The following KLF8 variants were observed in gnomAD, a reference collection of about 807,000 sequenced individuals.
KLF8 encodes KLF transcription factor 8.
KLF8 carries 10 observed loss-of-function variants against 18.2 expected under a neutral mutation model. The observed-to-expected ratio is 0.55, with a 90% CI of 0.34 to 0.93. The LOEUF (loss-of-function observed/expected upper bound fraction) is 0.93, where lower values mean the gene tolerates loss of function less well. KLF8 is among the 40% of genes least tolerant of loss of function. The pLI is 0.02. For synonymous variants in KLF8, 109 were observed against 97.3 expected, an observed-to-expected ratio of 1.12 and a Z score of -0.71; for missense variants, 264 against 277.9, an observed-to-expected ratio of 0.95 and a Z score of 0.36.
chrX:56,108,707 T>C, the KLF8 span, among the ~76,000 whole-genome samples: 1 of 112,056 alleles, frequency 8.9e-6, no homozygotes, highest in Non-Finnish European at 1.9e-5. Context: ...TCTGTTCTGA[T>C]CTTAATTTTT....
At chrX:56,003,699 G>A in the KLF8 span, among the ~76,000 whole-genome samples, 2 of 111,597 alleles carry the variant, frequency 1.8e-5, no homozygotes, top group South Asian at 7.5e-4. Flanking sequence ...TGCATCTATG[G>A]CTTATTTTCT....
At chrX:56,041,218 G>C in the KLF8 span, among the ~76,000 whole-genome samples, 1 of 109,407 alleles carries the variant, frequency 9.1e-6, no homozygotes, top group Admixed American at 9.8e-5. Flanking sequence ...TCCACTCCCG[G>C]GTTCAAGCGA....
At position 56,289,924 on chromosome X, in the gene KLF8, T is replaced by C. The variant is rs1041557200; in HGVS notation, c.*5430T>C. The stretch of plus-strand genomic sequence containing the variant: ...GGTCTATCCTGCCCCCAAAAAGTTT[T>C]CTCATGAACCAAACCATCAAGAATG... On this transcript the variant is annotated 3_prime_UTR_variant, in exon 6 of 6. Transcript: ENST00000468660. Among the ~76,000 whole-genome samples the C allele has an allele frequency of 2.7e-5, 3 of 111,567 alleles. No homozygotes were observed. The Admixed American group carries it at 2.9e-4, about 11-fold the overall frequency.
chrX:56,004,704 G>A, the KLF8 span, among the ~76,000 whole-genome samples: 1 of 111,497 alleles, frequency 9.0e-6, no homozygotes, highest in Non-Finnish European at 1.9e-5. Context: ...CCAAACAAAA[G>A]CCAGAGAAGA....
At chrX:56,268,297 T>C (rs1450418965) in intron 3 of KLF8, 2 of 111,889 alleles carry the variant, frequency 1.8e-5, no homozygotes, top group Non-Finnish European at 3.8e-5. Context: ...GCATGTGATT[T>C]TATTTCCTTT....
the KLF8 span, among the ~76,000 whole-genome samples, chrX:56,190,177 T>C: frequency 9.0e-6 from 1 of 111,097 alleles, no homozygotes; most frequent in Non-Finnish European, 1.9e-5. Flanking sequence ...AAGCCACCAG[T>C]AGCTATACTT....
At chrX:56,199,956 T>C in the KLF8 span, among the ~76,000 whole-genome samples, 9 of 111,140 alleles carry the variant, frequency 8.1e-5, no homozygotes, top group Non-Finnish European at 1.5e-4. Flanking sequence ...CTGGAAGCCA[T>C]CATTCTCAGG....
intron 5 of KLF8, among the ~76,000 whole-genome samples, chrX:56,282,022 A>G (rs972545114): frequency 4.4e-5 from 5 of 112,727 alleles, no homozygotes; most frequent in African/African-American, 1.6e-4. Context: ...TGAGGTGTAT[A>G]TAGGAATTCT....
At chrX:56,032,801 A>AT in the KLF8 span, among the ~76,000 whole-genome samples, 2 of 111,854 alleles carry the variant, frequency 1.8e-5, no homozygotes, top group South Asian at 7.4e-4. Flanking sequence ...TTGCAGACAG[A>AT]TTTTCCTGTG....
the KLF8 span, among the ~76,000 whole-genome samples, chrX:56,186,704 A>T: frequency 8.9e-6 from 1 of 112,007 alleles, no homozygotes; most frequent in African/African-American, 3.2e-5. Flanking sequence ...ATCAAACTAG[A>T]ACTCAGGATT....
the KLF8 span, among the ~76,000 whole-genome samples, chrX:56,158,739 A>G: frequency 2.7e-5 from 3 of 112,148 alleles, no homozygotes; most frequent in Non-Finnish European, 5.6e-5. Context: ...TTGATTTTGT[A>G]TCCTGAGACT....
At chrX:56,268,732 G>C (rs764058241) in intron 3 of KLF8, 1 of 773,314 alleles carries the variant, frequency 1.3e-6, no homozygotes, top group African/African-American at 2.3e-5. Context: ...AATTTTGAAG[G>C]TTTCACTGGA....
chrX:56,113,645 AAC>A, the KLF8 span, among the ~76,000 whole-genome samples: 3 of 107,747 alleles, frequency 2.8e-5, no homozygotes, highest in Non-Finnish European at 5.8e-5. Context: ...ACACAACACA[AAC>A]ACGCACACAC....
chrX:56,256,955 G>A (rs2066804839), intron 2 of KLF8, among the ~76,000 whole-genome samples: 1 of 111,599 alleles, frequency 9.0e-6, no homozygotes, highest in African/African-American at 3.3e-5. Context: ...TGTCTGCCTC[G>A]GCCTCCCAAA....
At chrX:56,179,892 C>G in the KLF8 span, among the ~76,000 whole-genome samples, 1 of 111,636 alleles carries the variant, frequency 9.0e-6, no homozygotes, top group African/African-American at 3.3e-5. Context: ...TTCAGTTTGC[C>G]AGTATTTTAT....
chrX:55,947,553 G>C, the KLF8 span, among the ~76,000 whole-genome samples: 1 of 108,500 alleles, frequency 9.2e-6, no homozygotes, highest in Non-Finnish European at 1.9e-5. Flanking sequence ...CGAGTTAATG[G>C]GTGCAGCACA....
At chrX:55,946,097 G>A in the KLF8 span, among the ~76,000 whole-genome samples, 1 of 111,566 alleles carries the variant, frequency 9.0e-6, no homozygotes, top group Admixed American at 9.5e-5. Context: ...CCCCCATCAA[G>A]CTACCAATTA....
the KLF8 span, among the ~76,000 whole-genome samples, chrX:56,215,118 G>A: frequency 1.1e-3 from 126 of 111,679 alleles, no homozygotes; most frequent in African/African-American, 3.8e-3. Flanking sequence ...CAAATAAGAC[G>A]CATCTCATAT....
chrX:55,938,944 C>T, the KLF8 span, among the ~76,000 whole-genome samples: 14 of 111,970 alleles, frequency 1.3e-4, no homozygotes, highest in Admixed American at 2.8e-4. Context: ...TAACACCCCA[C>T]TGTCAACATT....
Sources: allele counts gnomAD v4.1 joint callset (sites outside exome capture counted in the v4.1 genomes callset), GRCh38; gene constraint gnomAD v4.1.1; transcripts MANE v1.5; gene names NCBI Gene and HGNC (gene_info 2026-07-23, HGNC 2026-07-21).